Variants in SLFN12L observed in about 807,000 individuals in gnomAD.
The protein encoded by SLFN12L is schlafen family member 12-like.
SLFN12L carries 34 observed loss-of-function variants against 34.8 expected under a neutral mutation model. The observed-to-expected ratio is 0.98, with a 90% CI of 0.74 to 1.30. The LOEUF is 1.30. Among genes scored for constraint, SLFN12L ranks in the 50% most tolerant of loss-of-function variants. The pLI is 0.00. For missense variants in SLFN12L, 703 were observed against 696.2 expected (o/e 1.01, Z -0.11); for synonymous variants, 259 against 247.5 (o/e 1.05, Z -0.44).
chr17:35,475,466 AGTTATCT>A lies in SLFN12L; in HGVS notation c.1289_1295del (p.Lys430IlefsTer21). On this transcript the variant is annotated frameshift_variant, in exon 5 of 5. Coordinates refer to ENST00000628453, the MANE Select transcript of SLFN12L (RefSeq NM_001363830.2). LOFTEE classifies it low-confidence loss of function (END_TRUNC). ...TTCTGCAGAAGGTTTTTGGAGCACA[AGTTATCT>A]TTTCTGATAGCCCTAGATGGGGAAA... 1.9e-6 allele frequency: 3 copies of A among 1,608,480 alleles called. No individual in the cohort carries two copies. Among genetic ancestry groups the A allele is most frequent in the Middle Eastern group, 1.7e-4 (1 of 6,014 alleles).
At chr17:35,515,318 G>C (rs1915781549) in intron 2 of SLFN12L, 1 of 359,756 alleles carries the variant, frequency 2.8e-6, no homozygotes, top group African/African-American at 2.1e-5. Context: ...CAAGATCCAG[G>C]GTTCTGAAGA....
chr17:35,505,492 G>A lies in SLFN12L; in HGVS notation c.86+16787C>T, dbSNP rs751937384. Among the ~76,000 whole-genome samples the A allele has an allele frequency of 7.2e-4, 109 of 152,190 alleles. 5 individuals are homozygous for A. The highest frequency in any genetic ancestry group is 7.3e-5 in the Non-Finnish European group (5 of 68,044). On this transcript the variant is annotated intron_variant, in intron 2 of 4. Coordinates refer to ENST00000628453, the MANE Select transcript of SLFN12L (RefSeq NM_001363830.2). ...CCCCCCACGCTATGGTGACTTTCAT[G>A]AATACATCATTGGCTAACAAATGCT...
chr17:35,485,641 A>T lies in SLFN12L; in HGVS notation c.87-5446T>A, dbSNP rs187775850. 3.0e-4 allele frequency among the ~76,000 whole-genome samples: 46 copies of T among 152,332 alleles called. 1 individual carries two copies. In the East Asian group the frequency reaches 8.7e-3, roughly 29 times the overall value. The stretch of plus-strand genomic sequence containing the variant: ...CTAGATTTTCTTCTAGAACTTTTAT[A>T]GTTCGTGGTCTTACATTTCAGTCTT... On this transcript the variant is annotated intron_variant, in intron 2 of 4. Coordinates refer to ENST00000628453, the MANE Select transcript of SLFN12L (RefSeq NM_001363830.2).
intron 2 of SLFN12L, chr17:35,510,082 G>A (rs985592401): frequency 8.5e-5 from 13 of 152,152 alleles, no homozygotes; most frequent in African/African-American, 3.1e-4. Context: ...GGAACCACAT[G>A]GATTAATGAG....
chr17:35,490,605 A>C, intron 2 of SLFN12L: 1 of 838,006 alleles, frequency 1.2e-6, no homozygotes, highest in Non-Finnish European at 2.1e-6. Context: ...TGTCAAAAGA[A>C]ATGACCAAGC....
chr17:35,498,600 C>T, intron 2 of SLFN12L: 1 of 1,603,028 alleles, frequency 6.2e-7, no homozygotes, highest in Non-Finnish European at 8.5e-7. Context: ...AATGTTTCTG[C>T]AGAAAGCTAG....
rs1913802575 is a variant in SLFN12L, at chr17:35,471,276, A to G, written c.*3647T>C. ...CTCAGCCTCCCAAGTAGCTGGGATT[A>G]CAGACGCCTACCACCACTCCCAGCT... On this transcript the variant is annotated 3_prime_UTR_variant, in exon 5 of 5. Coordinates refer to ENST00000628453, the MANE Select transcript of SLFN12L (RefSeq NM_001363830.2). Among the ~76,000 whole-genome samples, 1 of 151,934 alleles carries G rather than the reference A, an allele frequency of 6.6e-6. No homozygotes were observed. The highest frequency in any genetic ancestry group is 2.4e-5 in the African/African-American group (1 of 41,342).
At chr17:35,490,650 C>A in intron 2 of SLFN12L, 1 of 935,914 alleles carries the variant, frequency 1.1e-6, no homozygotes, top group Non-Finnish European at 1.8e-6. Context: ...ATGAACTGAT[C>A]CCAAGCTGCA....
At chr17:35,513,720 A>G (rs1260521875) in intron 2 of SLFN12L, among the ~76,000 whole-genome samples, 1 of 152,220 alleles carries the variant, frequency 6.6e-6, no homozygotes, top group Non-Finnish European at 1.5e-5. Context: ...GGATAAATTA[A>G]TCAGGTTGAA....
At chr17:35,502,436 A>C (rs922046470) in intron 2 of SLFN12L, among the ~76,000 whole-genome samples, 5 of 149,904 alleles carry the variant, frequency 3.3e-5, no homozygotes, top group African/African-American at 9.8e-5. Flanking sequence ...AAAAAAAAAA[A>C]AAAAAAACGA....
chr17:35,491,226 C>G, intron 2 of SLFN12L: 1 of 1,102,074 alleles, frequency 9.1e-7, no homozygotes, highest in South Asian at 1.5e-5. Flanking sequence ...TGGTGGAAGA[C>G]TTCAAGTGTA....
At chr17:35,478,544 C>T (rs572267412) in intron 3 of SLFN12L, 11 of 190,800 alleles carry the variant, frequency 5.8e-5, no homozygotes, top group Non-Finnish European at 1.1e-4. Context: ...TTCTGAGGAA[C>T]AAGTTTGCAT....
chr17:35,514,248 G>T (rs932671878), intron 2 of SLFN12L, among the ~76,000 whole-genome samples: 9 of 152,232 alleles, frequency 5.9e-5, no homozygotes, highest in African/African-American at 2.2e-4. Context: ...CACACTGGAA[G>T]GTGGTAATGT....
intron 2 of SLFN12L, among the ~76,000 whole-genome samples, chr17:35,495,873 G>A (rs1915042018): frequency 6.6e-6 from 1 of 150,986 alleles, no homozygotes; most frequent in Non-Finnish European, 1.5e-5. Flanking sequence ...CAGGGTGAGC[G>A]ACAGAAGCTG....
chr17:35,490,844 C>A, intron 2 of SLFN12L: 1 of 1,075,232 alleles, frequency 9.3e-7, no homozygotes, highest in East Asian at 2.4e-5. Context: ...TTGGCAGGTA[C>A]CCAAGGGCAC....
At chr17:35,511,584 T>TATAC (rs1915647509) in intron 2 of SLFN12L, among the ~76,000 whole-genome samples, 1 of 148,314 alleles carries the variant, frequency 6.7e-6, no homozygotes, top group African/African-American at 2.5e-5. Context: ...CACACACACA[T>TATAC]ACACACACAC....
In SLFN12L at chr17:35,479,944, T is replaced by C. The variant is rs917325691; in HGVS notation, c.338A>G (p.Lys113Arg). 31 of 1,614,082 alleles carry C rather than the reference T, an allele frequency of 1.9e-5. No individual in the cohort carries two copies. Among genetic ancestry groups the C allele is most frequent in the Non-Finnish European group, 2.6e-5 (31 of 1,180,040 alleles). Residue 113 changes from lysine to arginine, a missense_variant, in exon 3 of 5, where the codon AAA (lysine) becomes AGA (arginine). Transcript: ENST00000628453. Reference protein sequence around the residue: ...AEVENKGYSYKKDGIGLDLEN... With the variant: ...AEVENKGYSYRKDGIGLDLEN... ...CAAATCTAGCCCTATTCCATCTTTT[T>C]TATAACTATAGCCTTTATTCTCAAC...
At chr17:35,497,875 A>G (rs1438873570) in intron 2 of SLFN12L, among the ~76,000 whole-genome samples, 1 of 152,148 alleles carries the variant, frequency 6.6e-6, no homozygotes, top group Non-Finnish European at 1.5e-5. Flanking sequence ...AATCTTCGTG[A>G]AAAGTCTTAG....
Position 35,475,247 on chromosome 17 carries a change from C to T in SLFN12L, c.1515G>A (p.Gln505=). ...PPVLYTFHMV[Q]DEEFKDYSTQ... ...TAGAATAGTCTTTAAACTCCTCATC[C>T]TGTACCATGTGGAAGGTGTATAGGA... Residue 505 remains glutamine (Q), a synonymous_variant, in exon 5 of 5, where the codon CAG becomes CAA. Coordinates refer to ENST00000628453, the MANE Select transcript of SLFN12L (RefSeq NM_001363830.2). The T allele has an allele frequency of 6.2e-7, 1 of 1,614,160 alleles. No individual in the cohort carries two copies. Among genetic ancestry groups the T allele is most frequent in the Non-Finnish European group, 8.5e-7 (1 of 1,180,032 alleles).
Sources: allele counts gnomAD v4.1 joint callset (sites outside exome capture counted in the v4.1 genomes callset), GRCh38; gene constraint gnomAD v4.1.1; transcripts MANE v1.5; gene names NCBI Gene and HGNC (gene_info 2026-07-23, HGNC 2026-07-21).